The following MED12L variants were observed in gnomAD, a reference collection of about 807,000 sequenced individuals.
The protein encoded by MED12L is mediator complex subunit 12L.
Under a neutral mutation model 281.3 loss-of-function variants are expected in MED12L, and 60 were observed. That is an observed-to-expected ratio of 0.21 (90% CI 0.17 to 0.26). The LOEUF (loss-of-function observed/expected upper bound fraction) is 0.26, where lower values mean the gene tolerates loss of function less well. Among genes scored for constraint, MED12L ranks in the 10% least tolerant of loss-of-function variants. The pLI is 1.00. For missense variants in MED12L, 2,146 were observed against 2,680.9 expected (o/e 0.80, Z 4.41); for synonymous variants, 974 against 987.2 (o/e 0.99, Z 0.25).
chr3:151,122,685 A>C, intron 3 of MED12L, 98 bp from the exon 4 acceptor site: 1 of 847,816 alleles, frequency 1.2e-6, no homozygotes, highest in Non-Finnish European at 1.7e-6. Context: ...GGATGTATGA[A>C]GATTTTCAAT....
At position 151,394,856 on chromosome 3, in the gene MED12L, C is replaced by G. The variant is rs772027256; in HGVS notation, c.5809C>G (p.Pro1937Ala). The G allele has an allele frequency of 1.9e-6, 3 of 1,614,030 alleles. No individual in the cohort carries two copies. The highest frequency in any genetic ancestry group is 2.2e-5 in the South Asian group (2 of 91,080). ...ACTTCTCAGGCAAGCCCAGACTCGG[C>G]CTTTCCAACAGGTTTGTCCAGACCC... ...QRLLRQAQTR[P>A]FQQGQPGDQA... The change falls in exon 39 of 45, where the codon CCT becomes GCT. Residue 1937 changes from proline to alanine, a missense_variant. By Grantham distance (27) the Pro-to-Ala change is conservative. This residue lies in a region of MED12L where 496 missense variants were observed against 512.0 expected (regional missense o/e 0.97). Transcript: ENST00000687756.
chr3:151,339,744 G>T (rs1266611515), intron 16 of MED12L, among the ~76,000 whole-genome samples: 4 of 151,774 alleles, frequency 2.6e-5, no homozygotes, highest in African/African-American at 7.3e-5. Flanking sequence ...GTGTGTAATG[G>T]TAGCTAAAAT....
intron 16 of MED12L, chr3:151,199,255 C>T (rs763446113): frequency 1.2e-5 from 19 of 1,613,790 alleles, no homozygotes; most frequent in East Asian, 4.5e-5. Context: ...ACCTGTGATT[C>T]GTATTCTTCT....
At chr3:151,298,572 A>G (rs1371991478) in intron 16 of MED12L, among the ~76,000 whole-genome samples, 2 of 152,172 alleles carry the variant, frequency 1.3e-5, no homozygotes, top group African/African-American at 4.8e-5. Context: ...TCTCATTCCA[A>G]TTCCTTTTAA....
chr3:151,388,065 C>A lies in MED12L; in HGVS notation c.5344C>A (p.Pro1782Thr). 1 of 1,613,912 alleles carries A rather than the reference C, an allele frequency of 6.2e-7. No homozygotes were observed. The highest frequency in any genetic ancestry group is 8.5e-7 in the Non-Finnish European group (1 of 1,179,970). Residue 1782 changes from proline to threonine, a missense_variant, in exon 37 of 45, where the codon CCA (proline) becomes ACA (threonine). Coordinates refer to ENST00000687756, the MANE Select transcript of MED12L (RefSeq NM_001393769.1). ...EEPTSPVSQE[P>T]ERKSAELSDQ... ...GCCCACATCTCCAGTTTCTCAGGAA[C>A]CAGAAAGGAAGTCCGCTGAGCTGTC... is the stretch of plus-strand genomic sequence containing the variant.
intron 31 of MED12L, 100 bp from the exon 32 acceptor site, chr3:151,380,013 C>G: frequency 1.4e-6 from 1 of 723,262 alleles, no homozygotes; most frequent in Admixed American, 3.0e-5. Context: ...TTTACCACCT[C>G]TCTTATTTAT....
chr3:151,199,506 T>G, intron 16 of MED12L: 1 of 829,136 alleles, frequency 1.2e-6, no homozygotes, highest in Non-Finnish European at 1.9e-6. Context: ...TAAAAGACAT[T>G]GGTCTTCACA....
At position 151,204,826 on chromosome 3, in the gene MED12L, CTT is replaced by C. The variant is rs553024836; in HGVS notation, c.2250+11162_2250+11163del. On this transcript the variant is annotated intron_variant, in intron 16 of 44. Transcript: ENST00000687756. ...TGTTTTGCTTTTTTTAGTTAGGTCTCTTTATATGTTTACTTCCTCGGTTCACT... is the reference window on the plus strand; with the variant it reads ...TGTTTTGCTTTTTTTAGTTAGGTCTCTATATGTTTACTTCCTCGGTTCACT... Among the ~76,000 whole-genome samples, 385 of 152,186 alleles carry C rather than the reference CTT, an allele frequency of 2.5e-3. 1 individual carries two copies. Among genetic ancestry groups the C allele is most frequent in the South Asian group, 9.8e-3 (47 of 4,808 alleles).
At chr3:151,263,770 C>G (rs975194142) in intron 16 of MED12L, among the ~76,000 whole-genome samples, 1 of 152,176 alleles carries the variant, frequency 6.6e-6, no homozygotes, top group African/African-American at 2.4e-5. Flanking sequence ...ACCACCCCCC[C>G]CACTTATCAG....
At position 151,295,158 on chromosome 3, in the gene MED12L, G is replaced by A. The variant is rs531293531; in HGVS notation, c.2251-54901G>A. On this transcript the variant is annotated intron_variant, in intron 16 of 44. Coordinates refer to ENST00000687756, the MANE Select transcript of MED12L (RefSeq NM_001393769.1). ...TTGTGAAGGGTGGTGTTCTTTCCTG[G>A]CCCGTCGCTCCTGTTGCCTGAATTG... 3.1e-6 allele frequency: 5 copies of A among 1,612,878 alleles called. No homozygotes were observed. In the Admixed American group the frequency reaches 8.3e-5, roughly 27 times the overall value.
chr3:151,201,876 C>T (rs578095077), intron 16 of MED12L, among the ~76,000 whole-genome samples: 5 of 152,170 alleles, frequency 3.3e-5, no homozygotes, highest in Non-Finnish European at 7.3e-5. Context: ...TCAAATATTA[C>T]ATAATAATGG....
chr3:151,337,537 T>A (rs1250723605), intron 16 of MED12L: 1 of 336,466 alleles, frequency 3.0e-6, no homozygotes, highest in South Asian at 5.2e-5. Flanking sequence ...TTGGCAAAAC[T>A]CTGCAAAACA....
intron 43 of MED12L, among the ~76,000 whole-genome samples, chr3:151,419,577 CA>C (rs1718010202): frequency 6.6e-6 from 1 of 152,154 alleles, no homozygotes; most frequent in Non-Finnish European, 1.5e-5. Flanking sequence ...CACCGAGGAT[CA>C]ATACTTTGCA....
At chr3:151,237,045 C>CTTT (rs56926535) in intron 16 of MED12L, among the ~76,000 whole-genome samples, 46 of 125,852 alleles carry the variant, frequency 3.7e-4, no homozygotes, top group African/African-American at 9.6e-4. Flanking sequence ...TGATGCCAAA[C>CTTT]TTTTTTTTTT....
intron 16 of MED12L, among the ~76,000 whole-genome samples, chr3:151,339,737 T>C (rs975705665): frequency 2.6e-5 from 4 of 152,092 alleles, no homozygotes; most frequent in Non-Finnish European, 4.4e-5. Context: ...TTATGGAGTG[T>C]GTAATGGTAG....
intron 16 of MED12L, among the ~76,000 whole-genome samples, chr3:151,349,682 A>G (rs1472473320): frequency 6.6e-6 from 1 of 152,210 alleles, no homozygotes; most frequent in Non-Finnish European, 1.5e-5. Context: ...AGGCTTATGA[A>G]GAGATAACAT....
chr3:151,351,506 G>A (rs1056260169), intron 17 of MED12L, among the ~76,000 whole-genome samples: 2 of 152,110 alleles, frequency 1.3e-5, no homozygotes, highest in Admixed American at 1.3e-4. Context: ...TGTCATTATT[G>A]AGTTTGAAAA....
intron 16 of MED12L, among the ~76,000 whole-genome samples, chr3:151,262,923 A>G (rs1470311608): frequency 6.6e-6 from 1 of 152,156 alleles, no homozygotes; most frequent in Non-Finnish European, 1.5e-5. Context: ...TTTTGCCTGA[A>G]GACACGTAGC....
intron 11 of MED12L, among the ~76,000 whole-genome samples, chr3:151,176,510 GA>G (rs1386814535): frequency 1.3e-5 from 2 of 151,764 alleles, no homozygotes; most frequent in Non-Finnish European, 2.9e-5. Context: ...TATTCTACAG[GA>G]TTTTTTTTCT....
Sources: allele counts gnomAD v4.1 joint callset (sites outside exome capture counted in the v4.1 genomes callset), GRCh38; gene constraint gnomAD v4.1.1; regional missense constraint gnomAD v4.1.1; transcripts MANE v1.5; gene names NCBI Gene and HGNC (gene_info 2026-07-23, HGNC 2026-07-21).